PPP1R9A: variants seen among roughly 807,000 people sequenced by gnomAD.
PPP1R9A encodes the protein neurabin-1.
A neutral mutation model predicts 141.9 loss-of-function variants in PPP1R9A; 59 were observed. The ratio of observed to expected loss-of-function variants is 0.42; its 90% CI spans 0.34 to 0.52. The LOEUF (loss-of-function observed/expected upper bound fraction) is 0.52, where lower values mean the gene tolerates loss of function less well. Ranked by LOEUF, PPP1R9A falls within the 20% of genes least tolerant of loss-of-function variation. The pLI is 0.10. For synonymous variants in PPP1R9A, 500 were observed against 569.7 expected (o/e 0.88, Z 1.74); for missense variants, 1,444 against 1,611.9 (o/e 0.90, Z 1.78).
At chr7:95,084,772 A>T (rs906744036) in intron 2 of PPP1R9A, among the ~76,000 whole-genome samples, 1 of 152,064 alleles carries the variant, frequency 6.6e-6, no homozygotes, top group Non-Finnish European at 1.5e-5. Flanking sequence ...TATAGTTAGT[A>T]CATGTATTCT....
At chr7:94,950,023 A>T (rs1796302713) in intron 2 of PPP1R9A, among the ~76,000 whole-genome samples, 1 of 150,676 alleles carries the variant, frequency 6.6e-6, no homozygotes. Context: ...CCTAAAAATT[A>T]TGAAGGATCC....
At chr7:95,248,652 TTG>T (rs1351925047) in intron 9 of PPP1R9A, among the ~76,000 whole-genome samples, 1 of 152,214 alleles carries the variant, frequency 6.6e-6, no homozygotes, top group Non-Finnish European at 1.5e-5. Context: ...TTCCCTGTGA[TTG>T]TGTTTTAATG....
chr7:95,181,300 TAG>T (rs1294392274), intron 5 of PPP1R9A, among the ~76,000 whole-genome samples: 3 of 140,140 alleles, frequency 2.1e-5, no homozygotes, highest in South Asian at 4.4e-4. Context: ...ATATATAGAA[TAG>T]AGAGAATATA....
chr7:95,256,173 T>C (rs1423188339), intron 12 of PPP1R9A, among the ~76,000 whole-genome samples: 2 of 149,836 alleles, frequency 1.3e-5, no homozygotes, highest in Non-Finnish European at 3.0e-5. Flanking sequence ...GCCTGAGTGA[T>C]AGAGCAAGAT....
At chr7:95,214,918 CT>C (rs773961895) in intron 7 of PPP1R9A, among the ~76,000 whole-genome samples, 9 of 152,072 alleles carry the variant, frequency 5.9e-5, no homozygotes, top group Middle Eastern at 3.4e-3. Context: ...TTAGATGTTT[CT>C]TGAGTGGGTG....
intron 8 of PPP1R9A, among the ~76,000 whole-genome samples, chr7:95,244,044 C>T (rs2152992571): frequency 6.6e-6 from 1 of 152,258 alleles, no homozygotes; most frequent in Non-Finnish European, 1.5e-5. Flanking sequence ...AATGTACATA[C>T]AGAATTAAAA....
chr7:95,158,921 G>T (rs1563330964), intron 4 of PPP1R9A, among the ~76,000 whole-genome samples: 1 of 152,302 alleles, frequency 6.6e-6, no homozygotes, highest in African/African-American at 2.4e-5. Flanking sequence ...ATGATTGGCA[G>T]TACTTAAAGG....
At chr7:95,128,903 T>A (rs780353224) in intron 4 of PPP1R9A, among the ~76,000 whole-genome samples, 9 of 152,198 alleles carry the variant, frequency 5.9e-5, no homozygotes, top group Non-Finnish European at 1.0e-4. Flanking sequence ...TTTTGAAGAC[T>A]TAGTCATAAA....
Position 95,294,226 on chromosome 7 carries a change from AGCATTTAAGGATAAAGT to A in PPP1R9A, c.*3924_*3940del. 1 of 151,864 alleles carries A rather than the reference AGCATTTAAGGATAAAGT, an allele frequency of 6.6e-6. No individual in the cohort carries two copies. Among genetic ancestry groups the A allele is most frequent in the Non-Finnish European group, 1.5e-5 (1 of 68,010 alleles). The allele number at this position is 151,864 out of a possible 1,614,324, so 9.4% of individuals were successfully genotyped here. A position where few individuals can be genotyped will look rare whatever the true frequency, so the allele number is the denominator to read the frequency against. On this transcript the variant is annotated 3_prime_UTR_variant, in exon 20 of 20. Coordinates refer to ENST00000433360, the MANE Select transcript of PPP1R9A (RefSeq NM_001166160.2). ...GTACCTGTGCACTATTCTAAAGCTA[AGCATTTAAGGATAAAGT>A]CCAGAAATAAAATGTCCATATTTTC...
chr7:95,027,708 A>G (rs1807081522), intron 2 of PPP1R9A, among the ~76,000 whole-genome samples: 1 of 152,196 alleles, frequency 6.6e-6, no homozygotes, highest in South Asian at 2.1e-4. Flanking sequence ...GGTTTAGTCT[A>G]TTGCTCTTAG....
In PPP1R9A at chr7:95,057,130, T is replaced by C. The variant is rs369351720; in HGVS notation, c.1396-54129T>C. On this transcript the variant is annotated intron_variant, in intron 2 of 19. Coordinates refer to ENST00000433360, the MANE Select transcript of PPP1R9A (RefSeq NM_001166160.2). Reference sequence around the variant, plus strand: ...AATATGTTTGGCTTTCATGTTGAGTTGTCTTTTTTTCCTTTTCTTTTTTTC... The same window carrying C: ...AATATGTTTGGCTTTCATGTTGAGTCGTCTTTTTTTCCTTTTCTTTTTTTC... Among the ~76,000 whole-genome samples the C allele has an allele frequency of 4.6e-5, 7 of 152,230 alleles. No homozygotes were observed. The South Asian group carries it at 1.4e-3, about 32-fold the overall frequency.
intron 2 of PPP1R9A, among the ~76,000 whole-genome samples, chr7:95,005,341 A>T (rs972784038): frequency 1.3e-5 from 2 of 152,194 alleles, no homozygotes; most frequent in African/African-American, 4.8e-5. Context: ...TACTGTATGA[A>T]TTCATTTTAT....
intron 8 of PPP1R9A, among the ~76,000 whole-genome samples, chr7:95,228,500 G>C (rs939398563): frequency 2.6e-5 from 4 of 152,028 alleles, no homozygotes; most frequent in African/African-American, 9.7e-5. Context: ...ATTATCTAAA[G>C]AATTTGTGCC....
intron 2 of PPP1R9A, among the ~76,000 whole-genome samples, chr7:95,100,164 A>C (rs1818572791): frequency 6.6e-6 from 1 of 152,128 alleles, no homozygotes; most frequent in Admixed American, 6.6e-5. Flanking sequence ...TCATGCCTGT[A>C]ATCCCAGCAC....
intron 2 of PPP1R9A, among the ~76,000 whole-genome samples, chr7:95,103,498 G>C (rs1332968047): frequency 1.3e-5 from 2 of 151,618 alleles, no homozygotes; most frequent in Non-Finnish European, 2.9e-5. Flanking sequence ...CTCCTGAGTA[G>C]CTGGGACTAC....
At chr7:95,192,752 T>C (rs1372756390) in intron 5 of PPP1R9A, among the ~76,000 whole-genome samples, 1 of 152,086 alleles carries the variant, frequency 6.6e-6, no homozygotes, top group Admixed American at 6.6e-5. Flanking sequence ...TTACTTACCA[T>C]TTTAACTCCT....
chr7:95,277,838 A>G, intron 16 of PPP1R9A, among the ~76,000 whole-genome samples: 1 of 152,226 alleles, frequency 6.6e-6, no homozygotes. Flanking sequence ...ATAAAATCCT[A>G]TTCTGTATTC....
At chr7:95,285,846 C>A (rs918119754) in intron 17 of PPP1R9A, among the ~76,000 whole-genome samples, 1 of 152,184 alleles carries the variant, frequency 6.6e-6, no homozygotes, top group African/African-American at 2.4e-5. Context: ...CCTCTCCACA[C>A]CATCTTGTAT....
intron 2 of PPP1R9A, among the ~76,000 whole-genome samples, chr7:94,947,186 G>C (rs925732209): frequency 6.6e-6 from 1 of 152,242 alleles, no homozygotes; most frequent in East Asian, 1.9e-4. Flanking sequence ...CTCTGGAGCT[G>C]GTCAGGTGAA....
Sources: gnomAD v4.1 joint callset for allele counts (sites outside exome capture counted in the v4.1 genomes callset) on GRCh38, gnomAD v4.1.1 for gene constraint, MANE v1.5 for transcripts, NCBI Gene and HGNC (gene_info 2026-07-23, HGNC 2026-07-21) for gene names.